The following GABRB1 variants were observed in gnomAD, a reference collection of about 807,000 sequenced individuals.
GABRB1 encodes gamma-aminobutyric acid receptor subunit beta-1.
GABRB1 carries 17 observed loss-of-function variants against 51.6 expected under a neutral mutation model. That is an observed-to-expected ratio of 0.33 (90% CI 0.23 to 0.49). The LOEUF (loss-of-function observed/expected upper bound fraction) is 0.49, where lower values mean the gene tolerates loss of function less well. Among genes scored for constraint, GABRB1 ranks in the 20% least tolerant of loss-of-function variants. The pLI is 0.99. For missense variants in GABRB1, 410 were observed against 600.6 expected (o/e 0.68, Z 3.32); for synonymous variants, 247 against 218.9 (o/e 1.13, Z -1.14).
At chr4:47,076,496 T>C (rs559787532) in intron 3 of GABRB1, among the ~76,000 whole-genome samples, 43 of 152,224 alleles carry the variant, frequency 2.8e-4, no homozygotes, top group African/African-American at 8.2e-4. Context: ...CAGATCTCCT[T>C]CAGAGCACAG....
At chr4:47,412,476 C>CA (rs1039831406) in intron 8 of GABRB1, among the ~76,000 whole-genome samples, 3 of 151,190 alleles carry the variant, frequency 2.0e-5, no homozygotes, top group African/African-American at 4.9e-5. Flanking sequence ...TTTTTATTTT[C>CA]AAAAAAAAAT....
intron 5 of GABRB1, among the ~76,000 whole-genome samples, chr4:47,324,273 A>C (rs1253160050): frequency 6.6e-6 from 1 of 152,082 alleles, no homozygotes; most frequent in Non-Finnish European, 1.5e-5. Context: ...TTCCTTTCTT[A>C]GGCTGGCCCT....
At chr4:47,313,281 T>C (rs1447609777) in intron 4 of GABRB1, among the ~76,000 whole-genome samples, 2 of 152,342 alleles carry the variant, frequency 1.3e-5, no homozygotes, top group South Asian at 4.1e-4. Context: ...TACCATCCTA[T>C]ACTTTCATTT....
At chr4:47,212,885 A>G (rs533019368) in intron 4 of GABRB1, among the ~76,000 whole-genome samples, 1 of 152,204 alleles carries the variant, frequency 6.6e-6, no homozygotes, top group Admixed American at 6.5e-5. Context: ...AAAAGACTTA[A>G]GTGTAAGCAT....
At chr4:47,105,990 C>T (rs1459179114) in intron 3 of GABRB1, among the ~76,000 whole-genome samples, 1 of 152,068 alleles carries the variant, frequency 6.6e-6, no homozygotes, top group Admixed American at 6.6e-5. Context: ...TTCACATCTG[C>T]CTCTCATTAG....
At chr4:47,174,403 C>T (rs1718578179) in intron 4 of GABRB1, among the ~76,000 whole-genome samples, 1 of 152,122 alleles carries the variant, frequency 6.6e-6, no homozygotes, top group Non-Finnish European at 1.5e-5. Context: ...AAATATTTTT[C>T]ATTTTCCTTT....
At chr4:47,181,293 G>A (rs544749441) in intron 4 of GABRB1, among the ~76,000 whole-genome samples, 6 of 151,968 alleles carry the variant, frequency 3.9e-5, no homozygotes, top group South Asian at 2.1e-4. Flanking sequence ...AGTTATATCC[G>A]TTATTCCAGT....
At chr4:47,347,125 T>TA (rs34038421) in intron 5 of GABRB1, among the ~76,000 whole-genome samples, 5,864 of 151,834 alleles carry the variant, frequency 0.039, 189 homozygotes, top group South Asian at 0.068. Flanking sequence ...CTACTAAACA[T>TA]AAAAAAATTA....
intron 4 of GABRB1, among the ~76,000 whole-genome samples, chr4:47,251,991 T>C (rs1033865993): frequency 1.3e-5 from 2 of 152,126 alleles, no homozygotes; most frequent in Non-Finnish European, 2.9e-5. Context: ...CGCCCTCCCT[T>C]GAGTTCTGGC....
intron 3 of GABRB1, among the ~76,000 whole-genome samples, chr4:47,147,175 T>C (rs7654411): frequency 0.17 from 25,266 of 152,008 alleles, 3,009 homozygotes; most frequent in East Asian, 0.34. Flanking sequence ...TCAAGCACTT[T>C]AAATTAACAT....
intron 3 of GABRB1, among the ~76,000 whole-genome samples, chr4:47,087,947 G>A (rs1164734168): frequency 6.6e-6 from 1 of 152,114 alleles, no homozygotes; most frequent in Non-Finnish European, 1.5e-5. Context: ...CTACTTAGGG[G>A]CCTGAGAGAC....
intron 4 of GABRB1, among the ~76,000 whole-genome samples, chr4:47,196,904 T>C (rs532605630): frequency 6.6e-6 from 1 of 152,376 alleles, no homozygotes; most frequent in South Asian, 2.1e-4. Flanking sequence ...TCGCATTCAC[T>C]AGAATGTCAG....
At chr4:47,252,438 T>C (rs545583380) in intron 4 of GABRB1, among the ~76,000 whole-genome samples, 1 of 152,110 alleles carries the variant, frequency 6.6e-6, no homozygotes, top group African/African-American at 2.4e-5. Context: ...GATTGCTGGA[T>C]TGTTCTTGCA....
At chr4:47,090,115 G>C (rs757212063) in intron 3 of GABRB1, among the ~76,000 whole-genome samples, 1 of 152,138 alleles carries the variant, frequency 6.6e-6, no homozygotes, top group Non-Finnish European at 1.5e-5. Flanking sequence ...AACAACTACT[G>C]TTATGATTAG....
chr4:47,375,264 T>C (rs1727338900), intron 5 of GABRB1, among the ~76,000 whole-genome samples: 1 of 152,208 alleles, frequency 6.6e-6, no homozygotes, highest in Non-Finnish European at 1.5e-5. Context: ...CTCTAATAGA[T>C]GTGAAGAAGA....
chr4:47,359,611 A>C (rs1030233777), intron 5 of GABRB1, among the ~76,000 whole-genome samples: 1 of 152,144 alleles, frequency 6.6e-6, no homozygotes, highest in African/African-American at 2.4e-5. Flanking sequence ...ATAAATAGTG[A>C]AGCTGAGTTA....
At chr4:47,050,625 G>T (rs542914897) in intron 3 of GABRB1, among the ~76,000 whole-genome samples, 2 of 152,016 alleles carry the variant, frequency 1.3e-5, no homozygotes, top group African/African-American at 4.8e-5. Flanking sequence ...CTTTGCAAAT[G>T]GCTTGCTATA....
intron 5 of GABRB1, among the ~76,000 whole-genome samples, chr4:47,322,353 C>T (rs1725115471): frequency 6.6e-6 from 1 of 152,148 alleles, no homozygotes; most frequent in South Asian, 2.1e-4. Context: ...AGCAGCTGGT[C>T]ACAGAACTAC....
chr4:47,147,738 A>C lies in GABRB1; in HGVS notation c.241-13511A>C, dbSNP rs183809067. ...TTTAGCTAGGCAAAGGCAAAGGGGAAAGACAGGAGGAATGGGTGTTCCAGA... is the reference window on the plus strand; with the variant it reads ...TTTAGCTAGGCAAAGGCAAAGGGGACAGACAGGAGGAATGGGTGTTCCAGA... On this transcript the variant is annotated intron_variant, in intron 3 of 8. Transcript: ENST00000295454. 2.8e-4 allele frequency among the ~76,000 whole-genome samples: 43 copies of C among 152,222 alleles called. No individual in the cohort carries two copies. The East Asian group carries it at 7.4e-3, about 26-fold the overall frequency.
Sources: allele counts gnomAD v4.1 joint callset (sites outside exome capture counted in the v4.1 genomes callset), GRCh38; gene constraint gnomAD v4.1.1; transcripts MANE v1.5; gene names NCBI Gene and HGNC (gene_info 2026-07-23, HGNC 2026-07-21).